The following SPAG17 variants were observed in gnomAD, a reference collection of about 807,000 sequenced individuals.
The protein encoded by SPAG17 is sperm-associated antigen 17.
SPAG17 carries 169 observed loss-of-function variants against 273.6 expected under a neutral mutation model. The ratio of observed to expected loss-of-function variants is 0.62; its 90% CI spans 0.55 to 0.70. The LOEUF is 0.70. Ranked by LOEUF, SPAG17 falls within the 30% of genes least tolerant of loss-of-function variation. The pLI, the probability that SPAG17 is intolerant of heterozygous loss-of-function variation, is 0.00. For synonymous variants in SPAG17, 825 were observed against 873.2 expected, an observed-to-expected ratio of 0.94 and a Z score of 0.97; for missense variants, 2,557 against 2,627.8, an observed-to-expected ratio of 0.97 and a Z score of 0.59.
intron 20 of SPAG17, among the ~76,000 whole-genome samples, chr1:118,051,554 C>CACACACAT (rs1651012761): frequency 1.3e-5 from 2 of 151,014 alleles, no homozygotes; most frequent in Admixed American, 1.3e-4. Flanking sequence ...TACACACACA[C>CACACACAT]ACACACAGTG....
intron 34 of SPAG17, among the ~76,000 whole-genome samples, chr1:117,995,066 T>A (rs1657508710): frequency 6.6e-6 from 1 of 152,158 alleles, no homozygotes; most frequent in African/African-American, 2.4e-5. Context: ...ATTCTTCCCC[T>A]CTGTGCTTCA....
At position 118,008,009 on chromosome 1, in the gene SPAG17, A is replaced by G. The variant is rs368902378; in HGVS notation, c.4587+35T>C. Reference sequence around the variant, plus strand: ...GGTTTTCTCAGCTGAATAGACACTCATCTTTGGCGCTTCTCATTTTCCTCG... The same window carrying G: ...GGTTTTCTCAGCTGAATAGACACTCGTCTTTGGCGCTTCTCATTTTCCTCG... On this transcript the variant is annotated intron_variant, in intron 31 of 48. Transcript: ENST00000336338. The G allele has an allele frequency of 2.5e-6, 4 of 1,613,106 alleles. No individual in the cohort carries two copies. In the African/African-American group the frequency reaches 5.3e-5, roughly 21 times the overall value.
intron 3 of SPAG17, among the ~76,000 whole-genome samples, chr1:118,120,684 C>T (rs1319889334): frequency 6.6e-6 from 1 of 152,140 alleles, no homozygotes; most frequent in East Asian, 1.9e-4. Context: ...TTTAGATAAA[C>T]AGGGCTGGTA....
At chr1:118,114,888 C>G (rs916817237) in intron 4 of SPAG17, among the ~76,000 whole-genome samples, 115 of 152,116 alleles carry the variant, frequency 7.6e-4, no homozygotes, top group African/African-American at 2.6e-3. Flanking sequence ...GCAGATATGC[C>G]TATTATTTTA....
chr1:118,028,849 AGGG>A (rs1286901626), intron 25 of SPAG17, among the ~76,000 whole-genome samples: 1 of 152,190 alleles, frequency 6.6e-6, no homozygotes, highest in East Asian at 1.9e-4. Flanking sequence ...TTAAGTCATG[AGGG>A]CTCCACCCTT....
chr1:118,082,224 G>T (rs1654637368), intron 13 of SPAG17, among the ~76,000 whole-genome samples: 2 of 152,006 alleles, frequency 1.3e-5, no homozygotes, highest in African/African-American at 4.8e-5. Flanking sequence ...CTCTTTCATT[G>T]GTTATTATTT....
At chr1:117,959,950 A>T in intron 48 of SPAG17, 1 of 152,382 alleles carries the variant, frequency 6.6e-6, no homozygotes, top group Admixed American at 6.5e-5. Flanking sequence ...AAAATTACCC[A>T]GAACAGCGTC....
intron 48 of SPAG17, chr1:117,958,779 T>C: frequency 1.7e-6 from 1 of 597,556 alleles, no homozygotes; most frequent in Non-Finnish European, 2.7e-6. Flanking sequence ...TTTTTTTTTT[T>C]TTTTGCTCGA....
intron 10 of SPAG17, among the ~76,000 whole-genome samples, chr1:118,089,757 T>C (rs537052860): frequency 1.4e-3 from 220 of 152,300 alleles, no homozygotes; most frequent in African/African-American, 5.0e-3. Flanking sequence ...GTGCCTCAGT[T>C]TCCTTATCTG....
chr1:118,110,812 G>T (rs189762231), intron 4 of SPAG17, among the ~76,000 whole-genome samples: 1 of 152,206 alleles, frequency 6.6e-6, no homozygotes, highest in Admixed American at 6.5e-5. Flanking sequence ...CTGATTGTGA[G>T]CCAAGAGTGC....
At chr1:118,130,107 T>C (rs1257141056) in intron 3 of SPAG17, among the ~76,000 whole-genome samples, 3 of 152,098 alleles carry the variant, frequency 2.0e-5, no homozygotes, top group African/African-American at 7.2e-5. Context: ...TGAATTTCCT[T>C]GTCCTCCCCC....
At chr1:118,039,193 G>T in intron 23 of SPAG17, 99 bp downstream of exon 23, 1 of 1,319,944 alleles carries the variant, frequency 7.6e-7, no homozygotes, top group Non-Finnish European at 1.0e-6. Context: ...GTAGAAACTT[G>T]AGAAAAAGAA....
At position 117,957,185 on chromosome 1, in the gene SPAG17, C is replaced by G. The variant is rs1195124113; in HGVS notation, c.*1-3136G>C. ...TTGAACTTATATGCCGGTGCCTCTTCTTCCTCCTTAGGTAACATCCTTTTC... is the reference window on the plus strand; with the variant it reads ...TTGAACTTATATGCCGGTGCCTCTTGTTCCTCCTTAGGTAACATCCTTTTC... On this transcript the variant is annotated intron_variant, in intron 48 of 48. Transcript: ENST00000336338. 5 of 1,611,636 alleles carry G rather than the reference C, an allele frequency of 3.1e-6. No individual in the cohort carries two copies. The East Asian group carries it at 6.7e-5, about 22-fold the overall frequency.
At position 118,126,282 on chromosome 1, in the gene SPAG17, T is replaced by TCGGCCTG. The variant is rs1657729861; in HGVS notation, c.316-10842_316-10841insCAGGCCG. ...GTGCAGTGGCGCGATCTCGGCTCAC[T>TCGGCCTG]GCAAGCTCCACCTCCTGGGTTCATG... On this transcript the variant is annotated intron_variant, in intron 3 of 48. Coordinates refer to ENST00000336338, the MANE Select transcript of SPAG17 (RefSeq NM_206996.4). Among the ~76,000 whole-genome samples the TCGGCCTG allele has an allele frequency of 2.1e-5, 3 of 145,196 alleles. No individual in the cohort carries two copies. In the South Asian group the frequency reaches 6.7e-4, roughly 32 times the overall value.
intron 28 of SPAG17, among the ~76,000 whole-genome samples, chr1:118,019,033 CA>C (rs10629525): frequency 0.01 from 968 of 95,874 alleles, 13 homozygotes; most frequent in East Asian, 0.099. Flanking sequence ...GACCATGTCT[CA>C]AAAAAAAAAA....
intron 4 of SPAG17, among the ~76,000 whole-genome samples, chr1:118,111,269 G>T (rs527605405): frequency 1.3e-4 from 20 of 152,024 alleles, no homozygotes; most frequent in African/African-American, 4.1e-4. Flanking sequence ...CCATCTGGGG[G>T]GGTCATTTAT....
chr1:118,000,702 C>A (rs917078453), intron 32 of SPAG17, among the ~76,000 whole-genome samples: 1 of 152,164 alleles, frequency 6.6e-6, no homozygotes, highest in African/African-American at 2.4e-5. Context: ...AGTTGCTTAT[C>A]AGCTTAAGGA....
At chr1:118,073,737 G>C in intron 17 of SPAG17, 117 bp downstream of exon 17, 1 of 619,714 alleles carries the variant, frequency 1.6e-6, no homozygotes, top group Non-Finnish European at 2.8e-6. Context: ...TGAAGTAAAG[G>C]AGACTATTGA....
At chr1:117,981,207 C>T (rs995367077) in intron 43 of SPAG17, 63 bp downstream of exon 43, 1 of 1,486,854 alleles carries the variant, frequency 6.7e-7, no homozygotes, top group Non-Finnish European at 8.9e-7. Flanking sequence ...CGCCATCTCC[C>T]ATATGCCAAA....
Sources: allele counts gnomAD v4.1 joint callset (sites outside exome capture counted in the v4.1 genomes callset), GRCh38; gene constraint gnomAD v4.1.1; transcripts MANE v1.5; gene names NCBI Gene and HGNC (gene_info 2026-07-23, HGNC 2026-07-21).